Variants in ZNF610 observed in about 807,000 individuals in gnomAD.
ZNF610 encodes zinc finger protein 610, also known as zink finger protein.
Under a neutral mutation model 14.1 loss-of-function variants are expected in ZNF610, and 14 were observed. The observed-to-expected ratio is 0.99, with a 90% CI of 0.65 to 1.55. ZNF610 has a LOEUF of 1.55. Ranked by LOEUF, ZNF610 falls within the 40% of genes most tolerant of loss-of-function variation. ZNF610 has a pLI of 0.00. For missense variants in ZNF610, 530 were observed against 558.0 expected, an observed-to-expected ratio of 0.95 and a Z score of 0.51; for synonymous variants, 185 against 187.6, an observed-to-expected ratio of 0.99 and a Z score of 0.11.
rs753408159 is a variant in ZNF610, at chr19:52,365,668, GTTCATGTTCTACTCT to G, written c.320-26_320-12del. 6.4e-7 allele frequency: 1 copy of G among 1,559,178 alleles called. No homozygotes were observed. Among genetic ancestry groups the G allele is most frequent in the Non-Finnish European group, 8.7e-7 (1 of 1,153,484 alleles). ...GACGGTAAACATGCCAGAATCATGG[GTTCATGTTCTACTCT>G]TTCTTCTTTTCTAGGGAGGAGCTGT... is the stretch of plus-strand genomic sequence containing the variant. On this transcript the variant is annotated splice_polypyrimidine_tract_variant and intron_variant, in intron 5 of 5. Coordinates refer to ENST00000403906, the MANE Select transcript of ZNF610 (RefSeq NM_001161425.2).
At chr19:52,354,580 ATTTTTTTTTTTT>A (rs201439857) in intron 5 of ZNF610, among the ~76,000 whole-genome samples, 14 of 123,650 alleles carry the variant, frequency 1.1e-4, no homozygotes, top group Middle Eastern at 4.2e-3. Context: ...AAGCCATACT[ATTTTTTTTTTTT>A]TTTTTTTTTT....
intron 1 of ZNF610, chr19:52,345,671 A>G (rs1295189560): frequency 6.6e-6 from 1 of 152,096 alleles, no homozygotes; most frequent in Non-Finnish European, 1.5e-5. Flanking sequence ...ATGAACTCCA[A>G]CACCAATAGG....
intron 1 of ZNF610, among the ~76,000 whole-genome samples, chr19:52,342,494 C>T (rs1400316558): frequency 1.3e-5 from 2 of 149,690 alleles, no homozygotes; most frequent in Non-Finnish European, 3.0e-5. Flanking sequence ...TGAAGAGATT[C>T]TTCATAATTT....
Position 52,346,285 on chromosome 19 carries a change from C to G in ZNF610, c.-257-1422C>G, listed in dbSNP as rs559014602. On this transcript the variant is annotated intron_variant, in intron 1 of 5. Coordinates refer to ENST00000403906, the MANE Select transcript of ZNF610 (RefSeq NM_001161425.2). ...GTTCCAGCGATTCTCCTGCTTCAGC[C>G]TCCTGAGTAGCTGGGATTACAGGCA... Among the ~76,000 whole-genome samples, 3 of 151,386 alleles carry G rather than the reference C, an allele frequency of 2.0e-5. No homozygotes were observed. The East Asian group carries it at 5.8e-4, about 29-fold the overall frequency.
chr19:52,338,737 G>C (rs1453433440), intron 1 of ZNF610, among the ~76,000 whole-genome samples: 1 of 152,112 alleles, frequency 6.6e-6, no homozygotes, highest in Non-Finnish European at 1.5e-5. Context: ...TTTCGGTCTT[G>C]TTGCCCTGGC....
At chr19:52,351,630 G>A (rs1482801396) in intron 3 of ZNF610, among the ~76,000 whole-genome samples, 1 of 152,056 alleles carries the variant, frequency 6.6e-6, no homozygotes. Context: ...GGGTGGCCAG[G>A]TTCTGCTCAG....
intron 3 of ZNF610, among the ~76,000 whole-genome samples, chr19:52,353,314 T>C (rs117398665): frequency 0.012 from 1,833 of 152,348 alleles, 15 homozygotes; most frequent in Non-Finnish European, 0.017. Context: ...AATAAATCAA[T>C]AAACTCCATT....
chr19:52,367,113 G>GTT lies in ZNF610; in HGVS notation c.*354_*355dup, dbSNP rs34331117. On this transcript the variant is annotated 3_prime_UTR_variant, in exon 6 of 6. Coordinates refer to ENST00000403906, the MANE Select transcript of ZNF610 (RefSeq NM_001161425.2). Reference sequence around the variant, plus strand: ...CATGTTTTAAGTAATAAAGTTTAAAGTTTTTTTTTAGTTTTTTCTTTTTTT... The same window carrying GTT: ...CATGTTTTAAGTAATAAAGTTTAAAGTTTTTTTTTTTAGTTTTTTCTTTTTTT... The GTT allele has an allele frequency of 0.01, 1,908 of 184,024 alleles. No individual in the cohort carries two copies. The highest frequency in any genetic ancestry group is 0.025 in the Middle Eastern group (11 of 440). 11.4% of individuals were successfully genotyped at this position (184,024 alleles called of 1,614,324 possible).
intron 1 of ZNF610, among the ~76,000 whole-genome samples, chr19:52,341,775 C>T (rs66724605): frequency 0.11 from 16,536 of 151,946 alleles, 1,122 homozygotes; most frequent in South Asian, 0.23. Context: ...TACAGGCATG[C>T]ACCACTATGC....
At chr19:52,338,912 A>ACGGAGGACCCGCGC (rs1555800681) in intron 1 of ZNF610, among the ~76,000 whole-genome samples, 13 of 139,146 alleles carry the variant, frequency 9.3e-5, no homozygotes, top group Admixed American at 2.1e-4. Context: ...CGCTCAGCAT[A>ACGGAGGACCCGCGC]CGGAGGACCC....
At chr19:52,361,627 AT>A (rs201099640) in intron 5 of ZNF610, among the ~76,000 whole-genome samples, 58 of 150,380 alleles carry the variant, frequency 3.9e-4, no homozygotes, top group African/African-American at 8.6e-4. Flanking sequence ...TAATTTAAAA[AT>A]TTTTTTTTTC....
At chr19:52,362,471 C>T (rs1025684372) in intron 5 of ZNF610, among the ~76,000 whole-genome samples, 1 of 152,198 alleles carries the variant, frequency 6.6e-6, no homozygotes, top group Non-Finnish European at 1.5e-5. Context: ...CTGTGCTGGT[C>T]TGCAACTCCT....
chr19:52,362,091 A>G (rs1256676034), intron 5 of ZNF610, among the ~76,000 whole-genome samples: 1 of 152,192 alleles, frequency 6.6e-6, no homozygotes, highest in Admixed American at 6.5e-5. Context: ...TTGCTAACTA[A>G]AAAATAAATA....
intron 1 of ZNF610, among the ~76,000 whole-genome samples, chr19:52,346,255 T>C (rs1341113725): frequency 6.6e-6 from 1 of 151,084 alleles, no homozygotes; most frequent in African/African-American, 2.5e-5. Context: ...ACGTCTGCCT[T>C]CCGGGTTCCA....
rs569186486 is a variant in ZNF610, at chr19:52,336,900, G to A, written c.-258+394G>A. ...ATCCCACTAAAAATGTGCTCTTGGC[G>A]GAGGTGGGCACCTTATTGTACTCCC... is the stretch of plus-strand genomic sequence containing the variant. On this transcript the variant is annotated intron_variant, in intron 1 of 5. Coordinates refer to ENST00000403906, the MANE Select transcript of ZNF610 (RefSeq NM_001161425.2). 5.3e-5 allele frequency among the ~76,000 whole-genome samples: 8 copies of A among 152,288 alleles called. No homozygotes were observed. In the East Asian group the frequency reaches 1.4e-3, roughly 26 times the overall value.
At chr19:52,356,311 C>T (rs1442259698) in intron 5 of ZNF610, among the ~76,000 whole-genome samples, 2 of 152,156 alleles carry the variant, frequency 1.3e-5, no homozygotes, top group Non-Finnish European at 2.9e-5. Context: ...ACCCTGTATT[C>T]GATCCCTAGG....
At chr19:52,353,095 T>A (rs1008945455) in intron 3 of ZNF610, among the ~76,000 whole-genome samples, 1 of 152,060 alleles carries the variant, frequency 6.6e-6, no homozygotes, top group Non-Finnish European at 1.5e-5. Context: ...CCCGCCACCA[T>A]GCCTGGCTAA....
chr19:52,338,751 T>C (rs1178113072), intron 1 of ZNF610, among the ~76,000 whole-genome samples: 1 of 152,028 alleles, frequency 6.6e-6, no homozygotes, highest in African/African-American at 2.4e-5. Flanking sequence ...CCCTGGCTGG[T>C]GTGCACTGGC....
chr19:52,359,964 T>A (rs1391658898), intron 5 of ZNF610, among the ~76,000 whole-genome samples: 1 of 152,182 alleles, frequency 6.6e-6, no homozygotes, highest in Non-Finnish European at 1.5e-5. Flanking sequence ...TAAAGGCTAT[T>A]GAAAAGGATA....
Sources: allele counts gnomAD v4.1 joint callset (sites outside exome capture counted in the v4.1 genomes callset), GRCh38; gene constraint gnomAD v4.1.1; transcripts MANE v1.5; gene names NCBI Gene and HGNC (gene_info 2026-07-23, HGNC 2026-07-21).